Variants in SLC6A11 observed in about 807,000 individuals in gnomAD.
SLC6A11 encodes the protein solute carrier family 6 member 11.
SLC6A11 carries 25 observed loss-of-function variants against 74.8 expected under a neutral mutation model. The observed-to-expected ratio is 0.33, with a 90% CI of 0.24 to 0.47. The LOEUF (loss-of-function observed/expected upper bound fraction) is 0.47. Ranked by LOEUF, SLC6A11 falls within the 20% of genes least tolerant of loss-of-function variation. The pLI is 1.00. For synonymous variants in SLC6A11, 330 were observed against 330.2 expected (o/e 1.00, Z 0.01); for missense variants, 574 against 837.0 (o/e 0.69, Z 3.88).
intron 5 of SLC6A11, among the ~76,000 whole-genome samples, chr3:10,853,606 T>C (rs1188171576): frequency 1.3e-5 from 2 of 152,144 alleles, no homozygotes; most frequent in African/African-American, 4.8e-5. Flanking sequence ...GCTGGGACTC[T>C]CTACACAGCT....
chr3:10,918,679 C>T lies in SLC6A11; in HGVS notation c.1120+226C>T, dbSNP rs1230401615. 6.6e-6 allele frequency among the ~76,000 whole-genome samples: 1 copy of T among 152,030 alleles called. No homozygotes were observed. The highest frequency in any genetic ancestry group is 2.4e-5 in the African/African-American group (1 of 41,394). On this transcript the variant is annotated intron_variant, in intron 8 of 13. Transcript: ENST00000254488. The surrounding 1 kb of genome is among the most constrained non-coding windows in gnomAD (Gnocchi z 4.5). ...AAGGCATCCCCGAGTTTTGTAGATG[C>T]TGTTGCCCACTTCATTCATTTCTCC... is the stretch of plus-strand genomic sequence containing the variant.
chr3:10,816,542 A>G lies in SLC6A11; in HGVS notation c.256+21A>G. On this transcript the variant is annotated intron_variant, in intron 1 of 13. Transcript: ENST00000254488. The surrounding 1 kb of genome is among the most constrained non-coding windows in gnomAD (Gnocchi z 4.2). ...AGGAGGTGAGGTGATAGTGAGGAGA[A>G]GGGGAGGGGGCGCCAACCGCCCGGT... The G allele has an allele frequency of 6.6e-7, 1 of 1,525,884 alleles. No homozygotes were observed. The highest frequency in any genetic ancestry group is 8.8e-7 in the Non-Finnish European group (1 of 1,131,142). 94.5% of individuals were successfully genotyped at this position (1,525,884 alleles called of 1,614,324 possible).
At chr3:10,832,095 G>A (rs953681100) in intron 4 of SLC6A11, among the ~76,000 whole-genome samples, 36 of 152,170 alleles carry the variant, frequency 2.4e-4, no homozygotes, top group African/African-American at 7.5e-4. Context: ...ATTAATGCCT[G>A]TAATGTAGGC....
intron 5 of SLC6A11, among the ~76,000 whole-genome samples, chr3:10,854,285 A>G (rs1206931458): frequency 6.6e-6 from 1 of 152,176 alleles, no homozygotes; most frequent in Non-Finnish European, 1.5e-5. Flanking sequence ...GCTACTTGGG[A>G]GGCTGAGGCA....
intron 6 of SLC6A11, among the ~76,000 whole-genome samples, chr3:10,900,702 G>A (rs1354636342): frequency 2.0e-5 from 3 of 152,236 alleles, no homozygotes; most frequent in African/African-American, 7.2e-5. Context: ...GGTTCTGGGG[G>A]GAGATGATGA....
At chr3:10,829,204 G>A (rs1037562253) in intron 4 of SLC6A11, among the ~76,000 whole-genome samples, 3 of 152,206 alleles carry the variant, frequency 2.0e-5, no homozygotes, top group African/African-American at 7.2e-5. Flanking sequence ...GGTTAACCCT[G>A]TTCCTTGCCT....
intron 4 of SLC6A11, among the ~76,000 whole-genome samples, chr3:10,832,691 C>T (rs1694313301): frequency 6.6e-6 from 1 of 152,136 alleles, no homozygotes; most frequent in South Asian, 2.1e-4. Flanking sequence ...CTCTTAGTAC[C>T]ACTCCTATTA....
intron 6 of SLC6A11, among the ~76,000 whole-genome samples, chr3:10,884,587 AC>A (rs1209554424): frequency 1.3e-5 from 2 of 152,306 alleles, no homozygotes; most frequent in East Asian, 3.9e-4. Flanking sequence ...TGTGAGGGAT[AC>A]GGTACTGAAA....
At chr3:10,889,790 T>C (rs536390816) in intron 6 of SLC6A11, among the ~76,000 whole-genome samples, 39 of 152,106 alleles carry the variant, frequency 2.6e-4, no homozygotes, top group Non-Finnish European at 4.7e-4. Context: ...GACAAACCAG[T>C]GAGGGCTTGT....
chr3:10,823,126 G>A (rs1366249032), intron 3 of SLC6A11, among the ~76,000 whole-genome samples, 176 bp from the exon 4 acceptor site: 1 of 152,188 alleles, frequency 6.6e-6, no homozygotes, highest in East Asian at 1.9e-4. Context: ...GTTCTAATCA[G>A]TCCAAGCCTC....
intron 5 of SLC6A11, among the ~76,000 whole-genome samples, chr3:10,863,706 A>G (rs1273345850): frequency 6.6e-6 from 1 of 152,176 alleles, no homozygotes; most frequent in Non-Finnish European, 1.5e-5. Flanking sequence ...AGAAGAGGAA[A>G]GGACCTTCCT....
intron 5 of SLC6A11, among the ~76,000 whole-genome samples, chr3:10,857,268 T>A (rs536135553): frequency 6.6e-6 from 1 of 152,110 alleles, no homozygotes; most frequent in East Asian, 1.9e-4. Flanking sequence ...GACCTCACAT[T>A]GGAGGAGTGG....
At chr3:10,820,248 G>A (rs1289632247) in intron 3 of SLC6A11, among the ~76,000 whole-genome samples, 2 of 152,368 alleles carry the variant, frequency 1.3e-5, no homozygotes, top group East Asian at 3.9e-4. Context: ...GGTTAGACCA[G>A]ATCAAGGGCT....
At chr3:10,899,417 A>T (rs958469) in intron 6 of SLC6A11, among the ~76,000 whole-genome samples, 1 of 152,102 alleles carries the variant, frequency 6.6e-6, no homozygotes, top group African/African-American at 2.4e-5. Flanking sequence ...GAATTGAGTA[A>T]TATCTTCCTG....
intron 6 of SLC6A11, among the ~76,000 whole-genome samples, chr3:10,876,029 A>G (rs968098189): frequency 3.3e-5 from 5 of 152,274 alleles, no homozygotes; most frequent in Non-Finnish European, 7.3e-5. Flanking sequence ...GTTAAAACAC[A>G]GAACACATGG....
chr3:10,840,120 C>T (rs1453818005), intron 4 of SLC6A11, among the ~76,000 whole-genome samples: 1 of 152,198 alleles, frequency 6.6e-6, no homozygotes, highest in Non-Finnish European at 1.5e-5. Flanking sequence ...AGGCTTCTGT[C>T]ATCCACAGAA....
chr3:10,834,254 C>T (rs1694336819), intron 4 of SLC6A11, among the ~76,000 whole-genome samples: 1 of 152,198 alleles, frequency 6.6e-6, no homozygotes, highest in Non-Finnish European at 1.5e-5. Flanking sequence ...ATGTGGTCAG[C>T]TGCCTGCTTT....
In SLC6A11 at chr3:10,938,465, T is replaced by A. The variant is rs973897856; in HGVS notation, c.*63T>A. The A allele has an allele frequency of 4.7e-6, 7 of 1,497,228 alleles. No individual in the cohort carries two copies. The highest frequency in any genetic ancestry group is 6.3e-6 in the Non-Finnish European group (7 of 1,105,796). 92.7% of individuals were successfully genotyped at this position (1,497,228 alleles called of 1,614,324 possible). On this transcript the variant is annotated 3_prime_UTR_variant, in exon 14 of 14. Transcript: ENST00000254488. ...CCCCCCGTGTATGTAAATGAATTCC[T>A]GAACCCCATACTTCACCTAATGGTA...
intron 10 of SLC6A11, 34 bp downstream of exon 10, chr3:10,929,373 G>A: frequency 2.5e-6 from 4 of 1,608,656 alleles, no homozygotes; most frequent in Non-Finnish European, 2.6e-6. Flanking sequence ...ACGGGGTGAA[G>A]TGGGTGTGTG....
Sources: allele counts gnomAD v4.1 joint callset (sites outside exome capture counted in the v4.1 genomes callset), GRCh38; gene constraint gnomAD v4.1.1; non-coding constraint Gnocchi (gnomAD v3.1); transcripts MANE v1.5; gene names NCBI Gene and HGNC (gene_info 2026-07-23, HGNC 2026-07-21).